SPEN: variants seen among roughly 807,000 people sequenced by gnomAD.
SPEN encodes msx2-interacting protein.
In SPEN, 18 loss-of-function variants were observed where a neutral mutation model predicts 269.9. The observed-to-expected ratio is 0.07, with a 90% CI of 0.05 to 0.10. SPEN has a LOEUF of 0.10. Ranked by LOEUF, SPEN falls within the 10% of genes least tolerant of loss-of-function variation. SPEN has a pLI of 1.00. For synonymous variants in SPEN, 1,726 were observed against 1,765.7 expected (o/e 0.98, Z 0.56); for missense variants, 3,822 against 4,631.2 (o/e 0.83, Z 5.07).
intron 10 of SPEN, among the ~76,000 whole-genome samples, chr1:15,925,488 A>T (rs2071157793): frequency 6.6e-6 from 1 of 152,230 alleles, no homozygotes; most frequent in Admixed American, 6.5e-5. Flanking sequence ...GGCCCAGCAA[A>T]ATAAGTATTT....
At chr1:15,938,536 TA>T (rs2148745721) in intron 13 of SPEN, 181 bp from the exon 14 acceptor site, 1 of 553,120 alleles carries the variant, frequency 1.8e-6, no homozygotes, top group African/African-American at 2.0e-5. Context: ...TATTATTTTT[TA>T]AATCAGCTTT....
Position 15,937,131 on chromosome 1 carries a change from C to T in SPEN, c.10027-32C>T. 1 of 1,593,476 alleles carries T rather than the reference C, an allele frequency of 6.3e-7. No individual in the cohort carries two copies. Among genetic ancestry groups the T allele is most frequent in the Non-Finnish European group, 8.6e-7 (1 of 1,168,674 alleles). ...CAGGGGCTTGTGCACAACAGACTGACTCTGTCCCTTTGCCTTCCTTCCCTA... is the reference window on the plus strand; with the variant it reads ...CAGGGGCTTGTGCACAACAGACTGATTCTGTCCCTTTGCCTTCCTTCCCTA... On this transcript the variant is annotated intron_variant, in intron 11 of 14. Transcript: ENST00000375759. This position sits in a 1 kb window ranked among gnomAD's most constrained non-coding sequence, Gnocchi z 5.7.
At chr1:15,902,872 C>T (rs2070916950) in intron 3 of SPEN, among the ~76,000 whole-genome samples, 1 of 152,014 alleles carries the variant, frequency 6.6e-6, no homozygotes, top group Non-Finnish European at 1.5e-5. Flanking sequence ...TTTCTAATTG[C>T]CCTAATCGCT....
chr1:15,871,217 C>T (rs1276962859), intron 1 of SPEN, among the ~76,000 whole-genome samples: 1 of 152,206 alleles, frequency 6.6e-6, no homozygotes. Context: ...GTCTGCCTGC[C>T]TCAGCCTCCC....
rs1429018687 is a variant in SPEN, at chr1:15,929,831, A to G, written c.3591A>G (p.Lys1197=). 6.2e-7 allele frequency: 1 copy of G among 1,614,076 alleles called. No individual in the cohort carries two copies. The highest frequency in any genetic ancestry group is 8.5e-7 in the Non-Finnish European group (1 of 1,180,062). The change falls in exon 11 of 15, where the codon AAA becomes AAG. Residue 1197 remains lysine, a synonymous_variant. Transcript: ENST00000375759. This position sits in a 1 kb window ranked among gnomAD's most constrained non-coding sequence, Gnocchi z 5.8. ...CTGAGAAGTTTGGCAGTCCTAAAAA[A>G]GATGTAGATGAATATGAAAGACGTA... ...AKSEKFGSPK[K]DVDEYERRSL... is the part of the protein sequence containing the mutation.
rs1279382870 is a variant in SPEN at position 15,940,020 on chromosome 1, TAC to T, written c.*595_*596del. 3 of 229,404 alleles carry T rather than the reference TAC, an allele frequency of 1.3e-5. No individual in the cohort carries two copies. The highest frequency in any genetic ancestry group is 1.2e-4 in the East Asian group (2 of 16,020). The allele number at this position is 229,404 out of a possible 1,614,324, so 14.2% of individuals were successfully genotyped here. On this transcript the variant is annotated 3_prime_UTR_variant, in exon 15 of 15. Coordinates refer to ENST00000375759, the MANE Select transcript of SPEN (RefSeq NM_015001.3). ...CCACCGTCTTTGATTCACCGGGATGTACAGTTTACAGTTGAAGAGCAAACAGA... is the reference window on the plus strand; with the variant it reads ...CCACCGTCTTTGATTCACCGGGATGTAGTTTACAGTTGAAGAGCAAACAGA...
At chr1:15,918,498 C>A (rs979198126) in intron 6 of SPEN, among the ~76,000 whole-genome samples, 2 of 152,232 alleles carry the variant, frequency 1.3e-5, no homozygotes, top group Non-Finnish European at 2.9e-5. Context: ...GGATTACAGG[C>A]GTGAGCCACG....
At chr1:15,938,270 A>G (rs954128050) in intron 13 of SPEN, among the ~76,000 whole-genome samples, 3 of 152,160 alleles carry the variant, frequency 2.0e-5, no homozygotes, top group Non-Finnish European at 4.4e-5. Flanking sequence ...TGGCACCACC[A>G]TGCCCAGCTA....
chr1:15,926,258 G>A (rs941334145), intron 10 of SPEN, among the ~76,000 whole-genome samples: 1 of 151,894 alleles, frequency 6.6e-6, no homozygotes, highest in Admixed American at 6.6e-5. Context: ...TTGGCCAAGC[G>A]TGGTGGCGCA....
rs1570047528 is a variant in SPEN, at chr1:15,919,525, G to A, written c.1635+8G>A. The A allele has an allele frequency of 1.3e-6, 2 of 1,566,910 alleles. No homozygotes were observed. The highest frequency in any genetic ancestry group is 1.7e-6 in the Non-Finnish European group (2 of 1,156,350). The stretch of plus-strand genomic sequence containing the variant: ...TATGGGCCTGTGGTAAAGGTAGGCG[G>A]GAGGTTTTGGTATGTGGTTCAGACT... On this transcript the variant is annotated splice_region_variant and intron_variant, in intron 8 of 14. Coordinates refer to ENST00000375759, the MANE Select transcript of SPEN (RefSeq NM_015001.3).
Position 15,891,919 on chromosome 1 carries a change from CTTAT to C in SPEN, c.881+15246_881+15249del, listed in dbSNP as rs1332742290. On this transcript the variant is annotated intron_variant, in intron 3 of 14. Coordinates refer to ENST00000375759, the MANE Select transcript of SPEN (RefSeq NM_015001.3). ...ACCTGGTTTTTTTAAAAAAAAAAAA[CTTAT>C]TTATGTTGGCTACATGTTCAAATGA... Among the ~76,000 whole-genome samples, 6 of 143,606 alleles carry C rather than the reference CTTAT, an allele frequency of 4.2e-5. No individual in the cohort carries two copies. The East Asian group carries it at 1.2e-3, about 30-fold the overall frequency. The allele number at this position is 143,606 out of a possible 152,430, so 94.2% of individuals were successfully genotyped here.
At position 15,872,461 on chromosome 1, in the gene SPEN, G is replaced by A. The variant is rs921381766; in HGVS notation, c.84-355G>A. On this transcript the variant is annotated intron_variant, in intron 1 of 14. Coordinates refer to ENST00000375759, the MANE Select transcript of SPEN (RefSeq NM_015001.3). Reference sequence around the variant, plus strand: ...CAAAAATACAAAAAATTAGCCTGTCGTTGTGGCAGGTGCCTGTAGTCCCAG... The same window carrying A: ...CAAAAATACAAAAAATTAGCCTGTCATTGTGGCAGGTGCCTGTAGTCCCAG... 4.0e-4 allele frequency among the ~76,000 whole-genome samples: 61 copies of A among 151,806 alleles called. 2 individuals are homozygous for A. The highest frequency in any genetic ancestry group is 8.8e-5 in the Non-Finnish European group (6 of 67,918).
intron 1 of SPEN, among the ~76,000 whole-genome samples, chr1:15,861,288 C>T (rs2070445912): frequency 6.6e-6 from 1 of 151,840 alleles, no homozygotes; most frequent in Admixed American, 6.6e-5. Context: ...CATGCCACCA[C>T]ACCTGGCTAA....
chr1:15,892,095 A>G (rs1036276987), intron 3 of SPEN, among the ~76,000 whole-genome samples: 3 of 132,446 alleles, frequency 2.3e-5, no homozygotes, highest in African/African-American at 8.9e-5. Context: ...ATCTTGGCTC[A>G]CTGTAAGCTC....
In SPEN at chr1:15,876,532, A is replaced by T. The variant is rs1260472179; in HGVS notation, c.735A>T (p.Pro245=). 6.2e-7 allele frequency: 1 copy of T among 1,614,164 alleles called. No homozygotes were observed. Among genetic ancestry groups the T allele is most frequent in the Admixed American group, 1.7e-5 (1 of 60,004 alleles). The change falls in exon 3 of 15, where the codon CCA becomes CCT. Residue 245 remains proline (P), a synonymous_variant. Transcript: ENST00000375759. ...ACCAGCACAGCAGGAGTCGGTCACC[A>T]CATTCATCCCAGTCTAGAAATCAGT... ...RNYQHSRSRS[P]HSSQSRNQSP... is the part of the protein sequence containing the mutation.
chr1:15,892,917 G>A (rs2070803708), intron 3 of SPEN, among the ~76,000 whole-genome samples: 1 of 152,098 alleles, frequency 6.6e-6, no homozygotes, highest in Non-Finnish European at 1.5e-5. Context: ...TGGTCAGCAT[G>A]GCAAAACCCC....
In SPEN at chr1:15,884,975, C is replaced by T. The variant is rs2070723034; in HGVS notation, c.881+8297C>T. ...CAAATTCCTGGCCTCAAGTGATCCA[C>T]CTGCCTCCGCCTCCCAAAGTGCTGG... is the stretch of plus-strand genomic sequence containing the variant. On this transcript the variant is annotated intron_variant, in intron 3 of 14. Coordinates refer to ENST00000375759, the MANE Select transcript of SPEN (RefSeq NM_015001.3). Among the ~76,000 whole-genome samples the T allele has an allele frequency of 2.6e-5, 4 of 152,272 alleles. 1 individual carries two copies. The South Asian group carries it at 8.3e-4, about 32-fold the overall frequency.
chr1:15,882,347 G>GCC (rs200190011), intron 3 of SPEN, among the ~76,000 whole-genome samples: 6 of 151,660 alleles, frequency 4.0e-5, no homozygotes, highest in Non-Finnish European at 5.9e-5. Flanking sequence ...TTGGATTCCC[G>GCC]CCCCCCCAAT....
At chr1:15,884,480 A>T (rs2070717882) in intron 3 of SPEN, among the ~76,000 whole-genome samples, 1 of 152,184 alleles carries the variant, frequency 6.6e-6, no homozygotes, top group Admixed American at 6.5e-5. Context: ...AGGTGAGGAA[A>T]ACCATTAAGA....
Sources: gnomAD v4.1 joint callset for allele counts (sites outside exome capture counted in the v4.1 genomes callset) on GRCh38, gnomAD v4.1.1 for gene constraint, Gnocchi (gnomAD v3.1) non-coding constraint, MANE v1.5 for transcripts, NCBI Gene and HGNC (gene_info 2026-07-23, HGNC 2026-07-21) for gene names.